Variants in MCF2L observed in about 807,000 individuals in gnomAD.
MCF2L encodes the protein guanine nucleotide exchange factor DBS.
MCF2L carries 97 observed loss-of-function variants against 153.4 expected under a neutral mutation model. The ratio of observed to expected loss-of-function variants is 0.63; its 90% confidence interval spans 0.54 to 0.75. The LOEUF (loss-of-function observed/expected upper bound fraction) is 0.75. MCF2L is among the 30% of genes least tolerant of loss of function. The probability of loss-of-function intolerance (pLI) is 0.00; values close to 1 mark genes in which losing one functional copy is unlikely to be tolerated. For synonymous variants in MCF2L, 659 were observed against 632.2 expected (o/e 1.04, Z -0.64); for missense variants, 1,347 against 1,495.2 (o/e 0.90, Z 1.64).
chr13:112,923,336 T>C (rs1160167461), intron 2 of MCF2L, among the ~76,000 whole-genome samples: 1 of 141,812 alleles, frequency 7.1e-6, no homozygotes, highest in Admixed American at 7.8e-5. Context: ...AGATCTCGGC[T>C]CACTGCAAGC....
intron 1 of MCF2L, among the ~76,000 whole-genome samples, chr13:112,898,444 A>T (rs1161006915): frequency 1.3e-5 from 2 of 152,212 alleles, no homozygotes; most frequent in East Asian, 1.9e-4. Context: ...CCGTGAACCG[A>T]GCTCGGCAGG....
At chr13:112,986,730 G>C (rs746295658) in intron 1 of MCF2L, among the ~76,000 whole-genome samples, 1 of 152,240 alleles carries the variant, frequency 6.6e-6, no homozygotes, top group African/African-American at 2.4e-5. Flanking sequence ...ACACTGGGCC[G>C]AGGGTGCCAA....
chr13:112,896,276 C>CG (rs1428862705), intron 1 of MCF2L, among the ~76,000 whole-genome samples: 2 of 152,218 alleles, frequency 1.3e-5, no homozygotes, highest in African/African-American at 4.8e-5. Flanking sequence ...TCACCGCCCC[C>CG]CCGAGGCCTC....
chr13:112,984,137 TC>T (rs1447827789), intron 1 of MCF2L, among the ~76,000 whole-genome samples: 1 of 152,070 alleles, frequency 6.6e-6, no homozygotes, highest in East Asian at 1.9e-4. Flanking sequence ...GGGTGCCGGA[TC>T]TCCCAGGGTC....
At chr13:112,988,007 G>T (rs1251304861) in intron 1 of MCF2L, among the ~76,000 whole-genome samples, 1 of 152,252 alleles carries the variant, frequency 6.6e-6, no homozygotes, top group Non-Finnish European at 1.5e-5. Context: ...TCAGAAGATT[G>T]CTCTGAATAA....
Position 113,028,674 on chromosome 13 carries a change from CCTTT to C in MCF2L, c.278+3919_278+3922del, listed in dbSNP as rs755413433. ...CTTAGATAATAAAAAGTGGAAGAGG[CCTTT>C]CTATCACCAAACGCTCTAAATCAGA... On this transcript the variant is annotated intron_variant, in intron 3 of 29. Coordinates refer to ENST00000535094, the MANE Select transcript of MCF2L (RefSeq NM_001112732.3). The surrounding 1 kb of genome is among the most constrained non-coding windows in gnomAD (Gnocchi z 5.4). Among the ~76,000 whole-genome samples the C allele has an allele frequency of 5.3e-5, 8 of 152,212 alleles. No individual in the cohort carries two copies. The highest frequency in any genetic ancestry group is 4.8e-5 in the African/African-American group (2 of 41,450).
Position 113,028,540 on chromosome 13 carries a change from G to C in MCF2L, c.278+3782G>C, listed in dbSNP as rs1030336839. 6.6e-6 allele frequency among the ~76,000 whole-genome samples: 1 copy of C among 152,242 alleles called. No individual in the cohort carries two copies. The highest frequency in any genetic ancestry group is 2.4e-5 in the African/African-American group (1 of 41,468). On this transcript the variant is annotated intron_variant, in intron 3 of 29. Coordinates refer to ENST00000535094, the MANE Select transcript of MCF2L (RefSeq NM_001112732.3). The surrounding 1 kb of genome is among the most constrained non-coding windows in gnomAD (Gnocchi z 5.4). ...CCTGGTCTGGCTGAAGGTGGCCGGA[G>C]CGCAGGCCCAGTCCCCGCTGTGGAC... is the stretch of plus-strand genomic sequence containing the variant.
At chr13:113,033,432 TGTG>T (rs2085921983) in intron 3 of MCF2L, among the ~76,000 whole-genome samples, 2 of 29,362 alleles carry the variant, frequency 6.8e-5, no homozygotes, top group Non-Finnish European at 7.0e-5. Flanking sequence ...GCCCCCATGA[TGTG>T]AGTGGCCCCC....
intron 1 of MCF2L, among the ~76,000 whole-genome samples, chr13:112,897,253 C>T (rs556876548): frequency 3.2e-4 from 49 of 150,956 alleles, no homozygotes; most frequent in Non-Finnish European, 4.7e-4. Flanking sequence ...CGGTAGGATA[C>T]GGGACACGGT....
intron 26 of MCF2L, among the ~76,000 whole-genome samples, chr13:113,093,368 G>C (rs1595037423): frequency 6.6e-6 from 1 of 152,268 alleles, no homozygotes; most frequent in African/African-American, 2.4e-5. Flanking sequence ...GCACCCGGGT[G>C]GGGTGGAAGG....
In MCF2L at chr13:113,076,082, C is replaced by T. The variant is rs148350513; in HGVS notation, c.1425C>T (p.Thr475=). 98 of 1,613,834 alleles carry T rather than the reference C, an allele frequency of 6.1e-5. No homozygotes were observed. Among genetic ancestry groups the T allele is most frequent in the African/African-American group, 5.6e-4 (42 of 74,892 alleles). The change falls in exon 12 of 30, where the codon ACC becomes ACT. Residue 475 remains threonine (T), a synonymous_variant. Transcript: ENST00000535094. ...AGGAAATCGAGAAGTTTTTGGAGAC[C>T]GGTGCGGAAAATAAGATCCAGGAGC... ...ALQEIEKFLE[T]GAENKIQELN...
At chr13:112,939,968 C>CAA (rs34815677) in intron 2 of MCF2L, among the ~76,000 whole-genome samples, 53 of 131,830 alleles carry the variant, frequency 4.0e-4, no homozygotes, top group South Asian at 9.7e-4. Context: ...GACTCCATCT[C>CAA]AAAAAAAAAA....
intron 1 of MCF2L, among the ~76,000 whole-genome samples, chr13:112,981,743 G>A (rs1378857379): frequency 6.6e-6 from 1 of 152,214 alleles, no homozygotes; most frequent in East Asian, 1.9e-4. Flanking sequence ...CAGGCCGGGC[G>A]GTGCGGGTGC....
Position 113,069,334 on chromosome 13 carries a change from C to T in MCF2L, c.882-725C>T, listed in dbSNP as rs1488356201. On this transcript the variant is annotated intron_variant, in intron 8 of 29. Transcript: ENST00000535094. ...GTCCCAGCTACGCAGAGGCAGAGGT[C>T]GCAGTGAGCCGAGATTGCACCTGGG... 7.2e-5 allele frequency among the ~76,000 whole-genome samples: 2 copies of T among 27,682 alleles called. 1 individual carries two copies. Among genetic ancestry groups the T allele is most frequent in the Non-Finnish European group, 1.3e-4 (2 of 15,024 alleles). 18.2% of individuals were successfully genotyped at this position (27,682 alleles called of 152,430 possible).
chr13:112,937,987 C>CTCTGAGTGGTTGGTTCATTCA (rs2081535622), intron 2 of MCF2L, among the ~76,000 whole-genome samples: 1 of 5,878 alleles, frequency 1.7e-4, no homozygotes, highest in Non-Finnish European at 3.9e-4. Context: ...TTCAGGTGAG[C>CTCTGAGTGGTTGGTTCATTCA]GCTAATTGGT....
chr13:113,091,590 T>C (rs988271602), intron 26 of MCF2L, among the ~76,000 whole-genome samples: 11 of 152,158 alleles, frequency 7.2e-5, no homozygotes, highest in African/African-American at 2.7e-4. Context: ...CACTTCCTGC[T>C]GGGAACACAG....
At chr13:112,908,071 CAT>C (rs765110865) in intron 2 of MCF2L, among the ~76,000 whole-genome samples, 16 of 152,256 alleles carry the variant, frequency 1.1e-4, no homozygotes, top group East Asian at 1.9e-4. Context: ...TTTTTTAAGA[CAT>C]GTGTTCAGTG....
intron 2 of MCF2L, among the ~76,000 whole-genome samples, chr13:112,908,518 A>C (rs2152932): frequency 0.89 from 134,922 of 152,204 alleles, 60,036 homozygotes; most frequent in East Asian, 1. Flanking sequence ...GCCAGAGCCG[A>C]TTTTGCATGC....
intron 14 of MCF2L, 76 bp from the exon 15 acceptor site, chr13:113,078,590 G>C: frequency 6.9e-7 from 1 of 1,455,522 alleles, no homozygotes; most frequent in Non-Finnish European, 9.5e-7. Flanking sequence ...TACGGGAACT[G>C]GTGGGCTCTG....
Sources: gnomAD v4.1 joint callset for allele counts (sites outside exome capture counted in the v4.1 genomes callset) on GRCh38, gnomAD v4.1.1 for gene constraint, Gnocchi (gnomAD v3.1) non-coding constraint, MANE v1.5 for transcripts, NCBI Gene and HGNC (gene_info 2026-07-23, HGNC 2026-07-21) for gene names.